NYAP2: variants seen among roughly 807,000 people sequenced by gnomAD.
NYAP2 encodes neuronal tyrosine-phosphorylated phosphoinositide-3-kinase adaptor 2.
In NYAP2, 23 loss-of-function variants were observed where a neutral mutation model predicts 50.4. The ratio of observed to expected loss-of-function variants is 0.46; its 90% CI spans 0.33 to 0.65. NYAP2 has a LOEUF of 0.65. Among genes scored for constraint, NYAP2 ranks in the 30% least tolerant of loss-of-function variants. The pLI is 0.02. For synonymous variants in NYAP2, 394 were observed against 365.2 expected, an observed-to-expected ratio of 1.08 and a Z score of -0.90; for missense variants, 885 against 861.0, an observed-to-expected ratio of 1.03 and a Z score of -0.35.
At chr2:225,604,256 A>C (rs1201795725) in intron 5 of NYAP2, among the ~76,000 whole-genome samples, 1 of 152,156 alleles carries the variant, frequency 6.6e-6, no homozygotes, top group Admixed American at 6.6e-5. Flanking sequence ...TGAGGTGGAA[A>C]TGGTATTGCC....
intron 5 of NYAP2, among the ~76,000 whole-genome samples, chr2:225,622,512 TTCTTTC>T (rs1286320453): frequency 1.5e-4 from 5 of 33,652 alleles, no homozygotes; most frequent in African/African-American, 2.7e-4. Flanking sequence ...TTTTCTTTCT[TTCTTTC>T]TTCTTTCTTT....
chr2:225,492,008 G>A (rs1045625107), intron 3 of NYAP2, among the ~76,000 whole-genome samples: 1 of 152,164 alleles, frequency 6.6e-6, no homozygotes, highest in Admixed American at 6.5e-5. Flanking sequence ...GACCCAAGGG[G>A]TGTGGGCTGA....
At chr2:225,612,849 T>TGA (rs1692923194) in intron 5 of NYAP2, among the ~76,000 whole-genome samples, 1 of 139,138 alleles carries the variant, frequency 7.2e-6, no homozygotes, top group Admixed American at 7.0e-5. Flanking sequence ...TGTGATGACA[T>TGA]CACATCTGGG....
Position 225,513,539 on chromosome 2 carries a change from C to T in NYAP2, c.390C>T (p.Asp130=), listed in dbSNP as rs190539676. ...ACTCGGTTGGGGGCACAGACGATGACAGCAGCTGTGGCTCACGGAGACAAC... is the reference window on the plus strand; with the variant it reads ...ACTCGGTTGGGGGCACAGACGATGATAGCAGCTGTGGCTCACGGAGACAAC... The change falls in exon 4 of 7, where the codon GAC becomes GAT. Residue 130 remains aspartate (D), a synonymous_variant. Coordinates refer to ENST00000636099, the Ensembl canonical transcript of NYAP2. 1,452 of 1,612,392 alleles carry T rather than the reference C, an allele frequency of 9.0e-4. 3 individuals are homozygous for T. The highest frequency in any genetic ancestry group is 3.3e-3 in the Admixed American group (197 of 59,894).
At chr2:225,690,722 T>G in the NYAP2 span, among the ~76,000 whole-genome samples, 5 of 152,124 alleles carry the variant, frequency 3.3e-5, no homozygotes, top group Admixed American at 3.3e-4. Context: ...ATAGAGAAAT[T>G]TTCTAAATAA....
chr2:225,487,536 T>A (rs1298584889), intron 3 of NYAP2, among the ~76,000 whole-genome samples: 2 of 151,906 alleles, frequency 1.3e-5, no homozygotes, highest in African/African-American at 4.8e-5. Context: ...ATTTTTGTAT[T>A]TTTAGTAGAG....
chr2:225,592,596 A>G (rs1325160342), intron 5 of NYAP2, among the ~76,000 whole-genome samples: 2 of 152,342 alleles, frequency 1.3e-5, no homozygotes, highest in East Asian at 3.9e-4. Flanking sequence ...TAAATAGAGT[A>G]TAAGTAAAAT....
chr2:225,512,852 T>TCTTC (rs762260450), intron 3 of NYAP2, among the ~76,000 whole-genome samples: 3,323 of 123,402 alleles, frequency 0.027, 78 homozygotes, highest in South Asian at 0.052. Flanking sequence ...TTTCTTTCTT[T>TCTTC]CTTCCTTCCT....
the NYAP2 span, among the ~76,000 whole-genome samples, chr2:225,683,603 G>C: frequency 2.0e-5 from 3 of 152,106 alleles, no homozygotes; most frequent in African/African-American, 7.2e-5. Context: ...CCCTGGGTAG[G>C]TTCCTTCTAC....
At chr2:225,493,086 A>G (rs1690437161) in intron 3 of NYAP2, among the ~76,000 whole-genome samples, 1 of 151,896 alleles carries the variant, frequency 6.6e-6, no homozygotes. Flanking sequence ...CCCAGTTTCA[A>G]GGATCCTCCT....
At chr2:225,549,988 AAAAT>A (rs893753051) in intron 4 of NYAP2, among the ~76,000 whole-genome samples, 15 of 152,082 alleles carry the variant, frequency 9.9e-5, no homozygotes, top group Admixed American at 5.9e-4. Context: ...CTGTCTCAAA[AAAAT>A]AAATAAATAA....
intron 5 of NYAP2, among the ~76,000 whole-genome samples, chr2:225,597,255 T>C (rs1001694583): frequency 6.6e-6 from 1 of 151,692 alleles, no homozygotes; most frequent in Non-Finnish European, 1.5e-5. Context: ...CTAAGCAGTA[T>C]ACATTGTACC....
At chr2:225,622,647 T>A (rs1693140937) in intron 5 of NYAP2, among the ~76,000 whole-genome samples, 1 of 151,430 alleles carries the variant, frequency 6.6e-6, no homozygotes, top group Non-Finnish European at 1.5e-5. Context: ...TGGCTCGATC[T>A]TGGATCACTG....
chr2:225,698,294 A>C, the NYAP2 span: 1 of 152,358 alleles, frequency 6.6e-6, no homozygotes, highest in Admixed American at 6.6e-5. Flanking sequence ...TTTCTTCTGT[A>C]TTCACTCTTT....
intron 3 of NYAP2, among the ~76,000 whole-genome samples, chr2:225,450,304 T>A (rs1255225450): frequency 6.6e-6 from 1 of 152,226 alleles, no homozygotes; most frequent in Non-Finnish European, 1.5e-5. Context: ...AATGGACTTT[T>A]TCTAACATCA....
chr2:225,608,599 C>T (rs1267402863), intron 5 of NYAP2, among the ~76,000 whole-genome samples: 1 of 152,052 alleles, frequency 6.6e-6, no homozygotes, highest in African/African-American at 2.4e-5. Flanking sequence ...GGTCCCTGAA[C>T]CATTATTTCT....
At chr2:225,561,434 C>T (rs774762979) in intron 4 of NYAP2, among the ~76,000 whole-genome samples, 4 of 152,020 alleles carry the variant, frequency 2.6e-5, no homozygotes, top group African/African-American at 4.8e-5. Context: ...GTTGGAAGGA[C>T]GGGCAAGGGT....
At chr2:225,512,035 T>G (rs1439376572) in intron 3 of NYAP2, among the ~76,000 whole-genome samples, 1 of 152,184 alleles carries the variant, frequency 6.6e-6, no homozygotes, top group Non-Finnish European at 1.5e-5. Context: ...TGAATGAACT[T>G]CATAGATAAA....
In NYAP2 at chr2:225,480,305, A is replaced by T. The variant is rs560821883; in HGVS notation, c.222-33066A>T. Among the ~76,000 whole-genome samples the T allele has an allele frequency of 2.6e-5, 4 of 152,256 alleles. No individual in the cohort carries two copies. In the East Asian group the frequency reaches 7.7e-4, roughly 29 times the overall value. On this transcript the variant is annotated intron_variant, in intron 3 of 6. Transcript: ENST00000636099. ...ATGATCTCCTCCATCTAAGATTTAT[A>T]TATGTATACTAGGGGAAGATAGATA... is the stretch of plus-strand genomic sequence containing the variant.
Sources: allele counts gnomAD v4.1 joint callset (sites outside exome capture counted in the v4.1 genomes callset), GRCh38; gene constraint gnomAD v4.1.1; transcripts MANE v1.5; gene names NCBI Gene and HGNC (gene_info 2026-07-23, HGNC 2026-07-21).